SLC9C1: variants seen among roughly 807,000 people sequenced by gnomAD.
The protein encoded by SLC9C1 is solute carrier family 9 member C1, also known as sodium/hydrogen exchanger 10.
SLC9C1 carries 97 observed loss-of-function variants against 140.9 expected under a neutral mutation model. The observed-to-expected ratio is 0.69, with a 90% CI of 0.58 to 0.82. SLC9C1 has a LOEUF of 0.82. Ranked by LOEUF, SLC9C1 falls within the 40% of genes least tolerant of loss-of-function variation. The pLI is 0.00. For synonymous variants in SLC9C1, 440 were observed against 442.6 expected (o/e 0.99, Z 0.07); for missense variants, 1,340 against 1,389.3 (o/e 0.96, Z 0.56).
intron 6 of SLC9C1, among the ~76,000 whole-genome samples, chr3:112,274,270 A>C (rs1040961190): frequency 2.6e-5 from 4 of 152,270 alleles, no homozygotes; most frequent in Non-Finnish European, 5.9e-5. Context: ...ATAGTTATAT[A>C]GCTGTATACA....
rs56997574 is a variant in SLC9C1 at position 112,143,235 on chromosome 3, G to GTA, written c.3525-1956_3525-1955dup. On this transcript the variant is annotated intron_variant, in intron 28 of 28. Coordinates refer to ENST00000305815, the MANE Select transcript of SLC9C1 (RefSeq NM_183061.3). ...GTGTCTTTTTGGTAGAATAATTTGT[G>GTA]TATATATATATATATATCTCCAGTA... 1.8e-3 allele frequency among the ~76,000 whole-genome samples: 272 copies of GTA among 150,500 alleles called. 1 individual carries two copies. Among genetic ancestry groups the GTA allele is most frequent in the East Asian group, 0.013 (65 of 5,130 alleles).
At chr3:112,202,446 T>A in intron 17 of SLC9C1, 47 bp from the exon 18 acceptor site, 2 of 1,520,728 alleles carry the variant, frequency 1.3e-6, no homozygotes, top group Non-Finnish European at 1.8e-6. Context: ...CAAATATCAT[T>A]TTATGATATG....
At chr3:112,280,527 T>C (rs928152835) in intron 3 of SLC9C1, among the ~76,000 whole-genome samples, 156 bp downstream of exon 3, 2 of 152,210 alleles carry the variant, frequency 1.3e-5, no homozygotes, top group Non-Finnish European at 2.9e-5. Flanking sequence ...CTGGCTCCTT[T>C]TTCTACATAC....
intron 12 of SLC9C1, among the ~76,000 whole-genome samples, chr3:112,232,315 C>A (rs1229948596): frequency 6.6e-6 from 1 of 152,120 alleles, no homozygotes; most frequent in Admixed American, 6.6e-5. Context: ...GCTCAGACCA[C>A]CTGCATAAAA....
chr3:112,237,554 A>T (rs1175084259), intron 12 of SLC9C1, among the ~76,000 whole-genome samples: 1 of 152,134 alleles, frequency 6.6e-6, no homozygotes, highest in Non-Finnish European at 1.5e-5. Flanking sequence ...CCTAGCATCG[A>T]TGGTCTTTAC....
intron 3 of SLC9C1, 60 bp downstream of exon 3, chr3:112,280,623 A>G (rs1029743250): frequency 1.2e-5 from 17 of 1,428,662 alleles, no homozygotes; most frequent in Non-Finnish European, 1.4e-5. Context: ...TTTAAATGCC[A>G]TCTCTGCATT....
In SLC9C1 at chr3:112,150,314, C is replaced by G. The variant is rs182481770; in HGVS notation, c.3524+1543G>C. Among the ~76,000 whole-genome samples, 20 of 152,300 alleles carry G rather than the reference C, an allele frequency of 1.3e-4. No homozygotes were observed. In the East Asian group the frequency reaches 1.7e-3, roughly 13 times the overall value. ...TACAGCTTTCTCCAGTGCCTTTCTC[C>G]TAAGTTAACTCGAGGGCTAGGGGAG... On this transcript the variant is annotated intron_variant, in intron 28 of 28. Coordinates refer to ENST00000305815, the MANE Select transcript of SLC9C1 (RefSeq NM_183061.3).
At chr3:112,152,686 A>G (rs939364386) in intron 27 of SLC9C1, among the ~76,000 whole-genome samples, 9 of 152,208 alleles carry the variant, frequency 5.9e-5, no homozygotes, top group African/African-American at 2.2e-4. Context: ...TTTCTTGGGT[A>G]GAGGTCTCTG....
At position 112,186,046 on chromosome 3, in the gene SLC9C1, G is replaced by A. The variant is rs1471934939; in HGVS notation, c.2524-3788C>T. 9 of 1,239,446 alleles carry A rather than the reference G, an allele frequency of 7.3e-6. No homozygotes were observed. The African/African-American group carries it at 9.1e-5, about 13-fold the overall frequency. The allele number at this position is 1,239,446 out of a possible 1,614,324, so 76.8% of individuals were successfully genotyped here. A position where few individuals can be genotyped will look rare whatever the true frequency, so the allele number is the denominator to read the frequency against. On this transcript the variant is annotated intron_variant, in intron 20 of 28. Coordinates refer to ENST00000305815, the MANE Select transcript of SLC9C1 (RefSeq NM_183061.3). ...TGTATTAGCCATTTAAATATCTTCC[G>A]CTGCACAGTGCACTTTCAAATCTTT...
At chr3:112,248,636 A>C (rs1292285071) in intron 10 of SLC9C1, among the ~76,000 whole-genome samples, 1 of 152,096 alleles carries the variant, frequency 6.6e-6, no homozygotes, top group Non-Finnish European at 1.5e-5. Flanking sequence ...AGTATCTACC[A>C]GTTTGTGTGC....
intron 3 of SLC9C1, among the ~76,000 whole-genome samples, chr3:112,279,666 G>A (rs2080307843): frequency 6.6e-6 from 1 of 152,160 alleles, no homozygotes. Context: ...ACCCATTATA[G>A]AAGATTCGGG....
At chr3:112,291,673 T>C (rs536904663) in intron 1 of SLC9C1, among the ~76,000 whole-genome samples, 1 of 152,360 alleles carries the variant, frequency 6.6e-6, no homozygotes, top group African/African-American at 2.4e-5. Context: ...TTGGTGGGAA[T>C]GTAAATTAGT....
intron 20 of SLC9C1, among the ~76,000 whole-genome samples, chr3:112,195,205 C>T (rs1275492459): frequency 6.6e-6 from 1 of 151,986 alleles, no homozygotes; most frequent in African/African-American, 2.4e-5. Flanking sequence ...TTGTCAAATC[C>T]AATATTTTGA....
Position 112,280,542 on chromosome 3 carries a change from C to T in SLC9C1, c.189+141G>A, listed in dbSNP as rs575522476. 28 of 703,730 alleles carry T rather than the reference C, an allele frequency of 4.0e-5. 1 individual carries two copies. Among genetic ancestry groups the T allele is most frequent in the South Asian group, 6.2e-5 (3 of 48,166 alleles). 43.6% of individuals were successfully genotyped at this position (703,730 alleles called of 1,614,324 possible). A position where few individuals can be genotyped will look rare whatever the true frequency, so the allele number is the denominator to read the frequency against. Reference sequence around the variant, plus strand: ...CTGGCTCCTTTTTCTACATACCTGACGTGATGCTAGCCACATCACAATCAT... The same window carrying T: ...CTGGCTCCTTTTTCTACATACCTGATGTGATGCTAGCCACATCACAATCAT... On this transcript the variant is annotated intron_variant, in intron 3 of 28. Transcript: ENST00000305815.
intron 26 of SLC9C1, among the ~76,000 whole-genome samples, chr3:112,156,401 C>T (rs2075129337): frequency 6.6e-6 from 1 of 151,992 alleles, no homozygotes; most frequent in Non-Finnish European, 1.5e-5. Flanking sequence ...ATACACACTG[C>T]ATTTTCTTTA....
chr3:112,186,059 C>A (rs1206373105), intron 20 of SLC9C1: 1 of 1,179,102 alleles, frequency 8.5e-7, no homozygotes, highest in Non-Finnish European at 1.2e-6. Context: ...GCACAGTGCA[C>A]TTTCAAATCT....
intron 28 of SLC9C1, among the ~76,000 whole-genome samples, chr3:112,150,821 CAT>C (rs1222212248): frequency 0.04 from 790 of 19,872 alleles, 18 homozygotes; most frequent in African/African-American, 0.13. Flanking sequence ...AATACATATA[CAT>C]ATATATATAT....
intron 12 of SLC9C1, among the ~76,000 whole-genome samples, chr3:112,232,709 A>G (rs1048022576): frequency 6.6e-6 from 1 of 152,132 alleles, no homozygotes; most frequent in African/African-American, 2.4e-5. Context: ...AGGACACGGA[A>G]AAGTGCAGCA....
chr3:112,285,378 A>G (rs1461585165), intron 2 of SLC9C1, among the ~76,000 whole-genome samples: 2 of 152,162 alleles, frequency 1.3e-5, no homozygotes, highest in Non-Finnish European at 2.9e-5. Context: ...AGCTGGGACC[A>G]TAGGTGTGCA....
Sources: gnomAD v4.1 joint callset for allele counts (sites outside exome capture counted in the v4.1 genomes callset) on GRCh38, gnomAD v4.1.1 for gene constraint, MANE v1.5 for transcripts, NCBI Gene and HGNC (gene_info 2026-07-23, HGNC 2026-07-21) for gene names.